CSMD1: variants seen among roughly 807,000 people sequenced by gnomAD.
CSMD1 encodes the protein CUB and sushi domain-containing protein 1.
In CSMD1, 213 loss-of-function variants were observed where a neutral mutation model predicts 417.5. That is an observed-to-expected ratio of 0.51 (90% CI 0.46 to 0.57). The LOEUF is 0.57. Among genes scored for constraint, CSMD1 ranks in the 20% least tolerant of loss-of-function variants. CSMD1 has a pLI of 0.00. For synonymous variants in CSMD1, 2,862 were observed against 1,736.8 expected, an observed-to-expected ratio of 1.65 and a Z score of -16.11; for missense variants, 6,923 against 4,529.7, an observed-to-expected ratio of 1.53 and a Z score of -15.17.
At chr8:3,543,692 G>C (rs1798538909) in intron 10 of CSMD1, among the ~76,000 whole-genome samples, 1 of 152,020 alleles carries the variant, frequency 6.6e-6, no homozygotes, top group Admixed American at 6.5e-5. Flanking sequence ...AGAGGAACAG[G>C]TTTTGTAGAG....
rs1006923878 is a variant in CSMD1, at chr8:3,305,091, C to G, written c.3950+2604G>C. Among the ~76,000 whole-genome samples the G allele has an allele frequency of 2.0e-5, 3 of 152,088 alleles. 1 individual carries two copies. Among genetic ancestry groups the G allele is most frequent in the African/African-American group, 7.2e-5 (3 of 41,432 alleles). On this transcript the variant is annotated intron_variant, in intron 25 of 69. Transcript: ENST00000635120. ...ACTGCAGTGGTGTGATCATAGCTTACTTCAGCCTTGACCAACTGGGCTCAA... is the reference window on the plus strand; with the variant it reads ...ACTGCAGTGGTGTGATCATAGCTTAGTTCAGCCTTGACCAACTGGGCTCAA...
intron 3 of CSMD1, among the ~76,000 whole-genome samples, chr8:4,035,863 C>G (rs1045947014): frequency 6.6e-6 from 1 of 152,150 alleles, no homozygotes; most frequent in Non-Finnish European, 1.5e-5. Context: ...TACAGTCGTA[C>G]ATAGTCCCGT....
At chr8:4,319,641 G>C (rs975261055) in intron 3 of CSMD1, among the ~76,000 whole-genome samples, 1 of 152,118 alleles carries the variant, frequency 6.6e-6, no homozygotes, top group Non-Finnish European at 1.5e-5. Context: ...TACTTACCCA[G>C]TTCACTGCCT....
intron 49 of CSMD1, among the ~76,000 whole-genome samples, chr8:3,053,023 C>G (rs1371759235): frequency 6.6e-6 from 1 of 152,102 alleles, no homozygotes; most frequent in Non-Finnish European, 1.5e-5. Context: ...CTCAGGTGAT[C>G]CGTCCACCTT....
At chr8:4,576,687 T>A (rs997957405) in intron 2 of CSMD1, among the ~76,000 whole-genome samples, 1 of 152,188 alleles carries the variant, frequency 6.6e-6, no homozygotes, top group Non-Finnish European at 1.5e-5. Flanking sequence ...CCTTCAGTCA[T>A]AAGTAGCTAG....
chr8:4,319,285 C>A (rs947833149), intron 3 of CSMD1, among the ~76,000 whole-genome samples: 13 of 152,076 alleles, frequency 8.5e-5, no homozygotes, highest in African/African-American at 3.1e-4. Context: ...AATGTCCTTT[C>A]CTTGCTTTTA....
intron 5 of CSMD1, among the ~76,000 whole-genome samples, chr8:3,781,147 T>C (rs1036201892): frequency 6.6e-6 from 1 of 152,088 alleles, no homozygotes; most frequent in African/African-American, 2.4e-5. Flanking sequence ...ATGATCAAGG[T>C]TGTCCAAACA....
chr8:4,517,854 C>T (rs957517834), intron 2 of CSMD1, among the ~76,000 whole-genome samples: 3 of 152,086 alleles, frequency 2.0e-5, no homozygotes, highest in African/African-American at 7.2e-5. Flanking sequence ...ATGCAAAAGC[C>T]ACACGTATTT....
intron 2 of CSMD1, among the ~76,000 whole-genome samples, chr8:4,439,742 A>G (rs1300189009): frequency 6.6e-6 from 1 of 152,154 alleles, no homozygotes; most frequent in African/African-American, 2.4e-5. Context: ...GAGAACATAA[A>G]TCAGTTTTGT....
chr8:3,981,613 G>C (rs573265228), intron 5 of CSMD1, among the ~76,000 whole-genome samples: 1 of 151,220 alleles, frequency 6.6e-6, no homozygotes, highest in Admixed American at 6.6e-5. Flanking sequence ...ATCAATTAGA[G>C]CAGTATTGTT....
intron 3 of CSMD1, among the ~76,000 whole-genome samples, chr8:4,240,412 C>G (rs913404434): frequency 2.0e-5 from 3 of 152,238 alleles, no homozygotes; most frequent in Non-Finnish European, 4.4e-5. Flanking sequence ...TTTGCCTGCT[C>G]TGATCCCTGT....
At chr8:4,034,059 T>A (rs571563930) in intron 3 of CSMD1, among the ~76,000 whole-genome samples, 3 of 152,356 alleles carry the variant, frequency 2.0e-5, no homozygotes, top group African/African-American at 4.8e-5. Context: ...CATGTCTGTA[T>A]CCATTGTCTT....
intron 6 of CSMD1, among the ~76,000 whole-genome samples, chr8:3,752,404 C>T (rs1004458470): frequency 6.6e-6 from 1 of 152,034 alleles, no homozygotes; most frequent in African/African-American, 2.4e-5. Flanking sequence ...CCTGTAATCC[C>T]AGCACTTTGG....
At chr8:3,921,344 A>T (rs957636582) in intron 5 of CSMD1, among the ~76,000 whole-genome samples, 2 of 151,892 alleles carry the variant, frequency 1.3e-5, no homozygotes, top group African/African-American at 4.8e-5. Flanking sequence ...CCTTTCATAA[A>T]ATTTCAGTAT....
At chr8:3,397,709 C>T (rs1811788825) in intron 16 of CSMD1, among the ~76,000 whole-genome samples, 1 of 152,208 alleles carries the variant, frequency 6.6e-6, no homozygotes, top group Non-Finnish European at 1.5e-5. Context: ...TGAAGTTGTC[C>T]TATCCTGTTT....
chr8:4,673,246 G>T (rs1432315776), intron 1 of CSMD1, among the ~76,000 whole-genome samples: 1 of 152,190 alleles, frequency 6.6e-6, no homozygotes, highest in Admixed American at 6.5e-5. Flanking sequence ...AAAACTTTTT[G>T]TAAGAGTCCC....
intron 7 of CSMD1, among the ~76,000 whole-genome samples, chr8:3,691,029 G>A (rs2624074): frequency 0.44 from 66,126 of 151,862 alleles, 14,688 homozygotes; most frequent in South Asian, 0.53. Context: ...TGGTACTAAA[G>A]TATCTTTTTC....
intron 7 of CSMD1, among the ~76,000 whole-genome samples, chr8:3,670,720 G>A (rs1358128369): frequency 1.5e-5 from 2 of 135,224 alleles, no homozygotes; most frequent in African/African-American, 5.4e-5. Context: ...TATGTATATG[G>A]GATATACATG....
At chr8:4,101,647 T>C (rs937915190) in intron 3 of CSMD1, among the ~76,000 whole-genome samples, 2 of 152,232 alleles carry the variant, frequency 1.3e-5, no homozygotes, top group Non-Finnish European at 2.9e-5. Context: ...ATTTTAAAAG[T>C]CTTTCCAAAT....
Sources: gnomAD v4.1 joint callset for allele counts (sites outside exome capture counted in the v4.1 genomes callset) on GRCh38, gnomAD v4.1.1 for gene constraint, MANE v1.5 for transcripts, NCBI Gene and HGNC (gene_info 2026-07-23, HGNC 2026-07-21) for gene names.